SORCS3: variants seen among roughly 807,000 people sequenced by gnomAD.
SORCS3 encodes the protein sortilin related VPS10 domain containing receptor 3.
Under a neutral mutation model 146.3 loss-of-function variants are expected in SORCS3, and 57 were observed. The observed-to-expected ratio is 0.39, with a 90% CI of 0.31 to 0.49. The LOEUF is 0.49. Ranked by LOEUF, SORCS3 falls within the 20% of genes least tolerant of loss-of-function variation. The pLI is 0.92. For synonymous variants in SORCS3, 653 were observed against 618.5 expected, an observed-to-expected ratio of 1.06 and a Z score of -0.83; for missense variants, 1,341 against 1,575.5, an observed-to-expected ratio of 0.85 and a Z score of 2.52.
intron 1 of SORCS3, chr10:104,822,242 G>A: frequency 2.8e-6 from 1 of 356,398 alleles, no homozygotes; most frequent in African/African-American, 2.1e-5. Flanking sequence ...AGATTGTTTA[G>A]ACCAGAGTCA....
At chr10:104,887,158 C>G (rs924323442) in intron 2 of SORCS3, among the ~76,000 whole-genome samples, 1 of 152,180 alleles carries the variant, frequency 6.6e-6, no homozygotes, top group African/African-American at 2.4e-5. Context: ...CTTCTGTGAA[C>G]ACATGGCATA....
In SORCS3 at chr10:104,994,360, C is replaced by G. The variant is rs2055011104; in HGVS notation, c.954+16867C>G. On this transcript the variant is annotated intron_variant, in intron 4 of 26. Coordinates refer to ENST00000369701, the MANE Select transcript of SORCS3 (RefSeq NM_014978.3). ...TTAAGGTGTTCACTGAGAGTGAAAT[C>G]TTTTTAGATGCTCATAAGCATTATT... 3.3e-5 allele frequency among the ~76,000 whole-genome samples: 5 copies of G among 152,102 alleles called. No individual in the cohort carries two copies. The South Asian group carries it at 1.0e-3, about 32-fold the overall frequency.
chr10:104,693,950 T>G lies in SORCS3; in HGVS notation c.627+51996T>G, dbSNP rs375873477. 2.9e-4 allele frequency among the ~76,000 whole-genome samples: 44 copies of G among 152,188 alleles called. No individual in the cohort carries two copies. In the South Asian group the frequency reaches 8.9e-3, roughly 31 times the overall value. Reference sequence around the variant, plus strand: ...AGTGGAAATGTAATAGAAAATAGATTTTTTTAAAGCATCCATTTGAAACCA... The same window carrying G: ...AGTGGAAATGTAATAGAAAATAGATGTTTTTAAAGCATCCATTTGAAACCA... On this transcript the variant is annotated intron_variant, in intron 1 of 26. Coordinates refer to ENST00000369701, the MANE Select transcript of SORCS3 (RefSeq NM_014978.3).
chr10:104,686,378 C>T (rs980717792), intron 1 of SORCS3, among the ~76,000 whole-genome samples: 57 of 152,128 alleles, frequency 3.7e-4, no homozygotes, highest in African/African-American at 1.4e-3. Context: ...GGAAGGGAGT[C>T]ACCAACTGCT....
At chr10:105,007,032 G>T (rs534889441) in intron 4 of SORCS3, among the ~76,000 whole-genome samples, 1 of 152,236 alleles carries the variant, frequency 6.6e-6, no homozygotes, top group South Asian at 2.1e-4. Flanking sequence ...CAGGGTAAGT[G>T]AGTGTGAGAA....
chr10:104,938,063 C>T (rs1790066282), intron 3 of SORCS3, among the ~76,000 whole-genome samples: 1 of 152,144 alleles, frequency 6.6e-6, no homozygotes, highest in Admixed American at 6.5e-5. Context: ...TTCGGCACTT[C>T]CAGGACTCCC....
At chr10:104,858,776 C>G (rs1011896575) in intron 2 of SORCS3, among the ~76,000 whole-genome samples, 1 of 151,834 alleles carries the variant, frequency 6.6e-6, no homozygotes, top group African/African-American at 2.4e-5. Flanking sequence ...TACCCGCCAC[C>G]ACGCCTGGCT....
chr10:104,670,157 T>G (rs1324776395), intron 1 of SORCS3, among the ~76,000 whole-genome samples: 1 of 152,154 alleles, frequency 6.6e-6, no homozygotes, highest in Non-Finnish European at 1.5e-5. Context: ...AAATATTTTC[T>G]TCCGTTCTGC....
intron 4 of SORCS3, among the ~76,000 whole-genome samples, chr10:104,994,065 C>A (rs1354249245): frequency 6.6e-6 from 1 of 152,168 alleles, no homozygotes; most frequent in African/African-American, 2.4e-5. Flanking sequence ...AGTATCAGTA[C>A]CCTACTGTCT....
chr10:105,157,117 A>T, intron 9 of SORCS3, 21 bp from the exon 10 acceptor site: 1 of 1,613,222 alleles, frequency 6.2e-7, no homozygotes, highest in Non-Finnish European at 8.5e-7. Context: ...ATGGTTCTCC[A>T]TCTCTCACCT....
chr10:105,044,580 A>C (rs1207179121), intron 5 of SORCS3, among the ~76,000 whole-genome samples: 1 of 152,150 alleles, frequency 6.6e-6, no homozygotes, highest in African/African-American at 2.4e-5. Flanking sequence ...ACACATTCAT[A>C]CCAACATCTT....
At chr10:105,180,344 G>T (rs752901960) in intron 14 of SORCS3, among the ~76,000 whole-genome samples, 1 of 152,210 alleles carries the variant, frequency 6.6e-6, no homozygotes, top group Non-Finnish European at 1.5e-5. Flanking sequence ...AGAAAGCATA[G>T]ATTTTTAACA....
chr10:104,798,016 ATGGTGCAT>A (rs1307979283), intron 1 of SORCS3, among the ~76,000 whole-genome samples: 1 of 152,298 alleles, frequency 6.6e-6, no homozygotes, highest in East Asian at 1.9e-4. Context: ...AGGTTGGGAG[ATGGTGCAT>A]AATCCCATAA....
At chr10:104,802,323 A>G (rs2017632642) in intron 1 of SORCS3, among the ~76,000 whole-genome samples, 1 of 152,218 alleles carries the variant, frequency 6.6e-6, no homozygotes, top group Non-Finnish European at 1.5e-5. Flanking sequence ...AGCAGCCACA[A>G]CAAAGATGAG....
At chr10:105,145,675 C>T (rs1459283251) in intron 8 of SORCS3, among the ~76,000 whole-genome samples, 1 of 152,112 alleles carries the variant, frequency 6.6e-6, no homozygotes, top group Non-Finnish European at 1.5e-5. Context: ...AACACGACTT[C>T]ATCACACGGT....
intron 1 of SORCS3, among the ~76,000 whole-genome samples, chr10:104,653,578 C>T (rs1006525219): frequency 2.6e-5 from 4 of 152,132 alleles, no homozygotes; most frequent in African/African-American, 7.2e-5. Context: ...TGTATTTTGA[C>T]TCTCAAAAGA....
chr10:104,757,789 T>C (rs2017071188), intron 1 of SORCS3, among the ~76,000 whole-genome samples: 2 of 152,152 alleles, frequency 1.3e-5, no homozygotes, highest in South Asian at 2.1e-4. Context: ...TGTTTTCATT[T>C]TCTCTGGGAG....
chr10:104,957,791 A>G (rs1008192916), intron 3 of SORCS3, among the ~76,000 whole-genome samples: 1 of 152,044 alleles, frequency 6.6e-6, no homozygotes, highest in Non-Finnish European at 1.5e-5. Flanking sequence ...ACCACCTGGC[A>G]TGGGATGATG....
At chr10:104,687,381 C>T (rs1473683516) in intron 1 of SORCS3, among the ~76,000 whole-genome samples, 4 of 152,138 alleles carry the variant, frequency 2.6e-5, no homozygotes. Flanking sequence ...ATGGAAAAAC[C>T]CTTTCCTGAT....
Sources: allele counts gnomAD v4.1 joint callset (sites outside exome capture counted in the v4.1 genomes callset), GRCh38; gene constraint gnomAD v4.1.1; transcripts MANE v1.5; gene names NCBI Gene and HGNC (gene_info 2026-07-23, HGNC 2026-07-21).